Variants in EIF4E3 observed in about 807,000 individuals in gnomAD.
The protein encoded by EIF4E3 is eukaryotic translation initiation factor 4E family member 3, also known as eukaryotic translation initiation factor 4E type 3.
A neutral mutation model predicts 31.7 loss-of-function variants in EIF4E3; 26 were observed. The observed-to-expected ratio is 0.82, with a 90% CI of 0.60 to 1.14. EIF4E3 has a LOEUF of 1.14. Among genes scored for constraint, EIF4E3 ranks in the 50% most tolerant of loss-of-function variants. The pLI, the probability that EIF4E3 is intolerant of heterozygous loss-of-function variation, is 0.00. For missense variants in EIF4E3, 304 were observed against 270.9 expected (o/e 1.12, Z -0.86); for synonymous variants, 128 against 107.7 (o/e 1.19, Z -1.17).
the EIF4E3 span, among the ~76,000 whole-genome samples, chr3:71,665,923 C>A: frequency 1.3e-5 from 2 of 152,154 alleles, no homozygotes; most frequent in Non-Finnish European, 2.9e-5. Context: ...CACAATGTAC[C>A]AGAATCTCTG....
At chr3:71,702,282 G>A (rs558073323) in intron 2 of EIF4E3, among the ~76,000 whole-genome samples, 2 of 152,246 alleles carry the variant, frequency 1.3e-5, no homozygotes, top group African/African-American at 4.8e-5. Context: ...GACCTCTGTA[G>A]AATTTATGCA....
chr3:71,728,700 C>T (rs1285344553), upstream of EIF4E3: 1 of 152,696 alleles, frequency 6.5e-6, no homozygotes, highest in South Asian at 2.1e-4. Flanking sequence ...CTACTCCCCT[C>T]CCCTCCAGCA....
At chr3:71,670,180 A>AC in the EIF4E3 span, among the ~76,000 whole-genome samples, 2 of 152,078 alleles carry the variant, frequency 1.3e-5, no homozygotes, top group East Asian at 3.9e-4. Context: ...CTCAAACCTC[A>AC]CCTCCTGGTA....
At chr3:71,721,742 G>A (rs1200114714) in intron 1 of EIF4E3, among the ~76,000 whole-genome samples, 4 of 152,184 alleles carry the variant, frequency 2.6e-5, no homozygotes, top group South Asian at 2.1e-4. Flanking sequence ...CCACAGCAAC[G>A]TGGAACTGTG....
chr3:71,704,727 T>C (rs1322679076), intron 2 of EIF4E3, among the ~76,000 whole-genome samples: 4 of 152,154 alleles, frequency 2.6e-5, no homozygotes, highest in South Asian at 2.1e-4. Flanking sequence ...TGCCTGTTCA[T>C]ATGGAGAAGG....
At chr3:71,717,735 G>A (rs2049486717) in intron 1 of EIF4E3, among the ~76,000 whole-genome samples, 1 of 152,142 alleles carries the variant, frequency 6.6e-6, no homozygotes, top group African/African-American at 2.4e-5. Context: ...TCCTGTTTCT[G>A]TTCTATATTG....
chr3:71,689,095 T>C (rs2049029767), intron 6 of EIF4E3, among the ~76,000 whole-genome samples: 2 of 152,240 alleles, frequency 1.3e-5, no homozygotes, highest in South Asian at 4.1e-4. Flanking sequence ...ACCACACATA[T>C]ATTTGAAGAC....
At chr3:71,746,323 T>TA (rs1297276137) in intron 1 of EIF4E3, among the ~76,000 whole-genome samples, 1 of 152,230 alleles carries the variant, frequency 6.6e-6, no homozygotes, top group African/African-American at 2.4e-5. Context: ...TTTTTGGATC[T>TA]AAAAAATGAT....
In EIF4E3 at chr3:71,684,334, C is replaced by G. The variant is rs2108005488; in HGVS notation, c.*348G>C. 4.7e-6 allele frequency: 1 copy of G among 214,424 alleles called. No homozygotes were observed. The highest frequency in any genetic ancestry group is 1.1e-4 in the East Asian group (1 of 9,332). 13.3% of individuals were successfully genotyped at this position (214,424 alleles called of 1,614,324 possible). A position where few individuals can be genotyped will look rare whatever the true frequency, so the allele number is the denominator to read the frequency against. ...CTTAAAGGGAAACCCATTTCTTGTG[C>G]CTCAATGAAAGGGGAGTGTAGAAAA... is the stretch of plus-strand genomic sequence containing the variant. On this transcript the variant is annotated 3_prime_UTR_variant, in exon 7 of 7. Coordinates refer to ENST00000425534, the MANE Select transcript of EIF4E3 (RefSeq NM_001134651.2).
chr3:71,686,899 T>C (rs1231979026), intron 6 of EIF4E3, among the ~76,000 whole-genome samples: 2 of 152,200 alleles, frequency 1.3e-5, no homozygotes, highest in Admixed American at 1.3e-4. Context: ...AAAGGGATTA[T>C]AGAATTGCTC....
At chr3:71,685,043 C>T (rs1037004582) in intron 6 of EIF4E3, among the ~76,000 whole-genome samples, 4 of 152,078 alleles carry the variant, frequency 2.6e-5, no homozygotes, top group African/African-American at 9.7e-5. Context: ...AAGCAAATGC[C>T]GCAGGGGAAA....
Position 71,683,350 on chromosome 3 carries a change from T to C in EIF4E3, c.*1332A>G, listed in dbSNP as rs970990814. On this transcript the variant is annotated 3_prime_UTR_variant, in exon 7 of 7. Transcript: ENST00000425534. ...GAGTGCACTGCCCTTTTGAAAAATGTGTGAGCAGGCACTAGCTCCCGTGAC... is the reference window on the plus strand; with the variant it reads ...GAGTGCACTGCCCTTTTGAAAAATGCGTGAGCAGGCACTAGCTCCCGTGAC... The C allele has an allele frequency of 3.9e-5, 6 of 152,302 alleles. No individual in the cohort carries two copies. The highest frequency in any genetic ancestry group is 1.4e-4 in the African/African-American group (6 of 41,564). The allele number at this position is 152,302 out of a possible 1,614,324, so 9.4% of individuals were successfully genotyped here.
At chr3:71,727,715 T>C (rs997590185), upstream of EIF4E3, among the ~76,000 whole-genome samples, 3 of 152,242 alleles carry the variant, frequency 2.0e-5, no homozygotes, top group Non-Finnish European at 2.9e-5. Context: ...TGAAAATTTA[T>C]ATTTACGAAG....
At position 71,725,240 on chromosome 3, in the gene EIF4E3, T is replaced by C. The variant is rs2108123647; in HGVS notation, c.128A>G (p.Glu43Gly). The C allele has an allele frequency of 8.9e-7, 1 of 1,121,494 alleles. No homozygotes were observed. The highest frequency in any genetic ancestry group is 1.1e-6 in the Non-Finnish European group (1 of 912,702). 69.5% of individuals were successfully genotyped at this position (1,121,494 alleles called of 1,614,324 possible). A position where few individuals can be genotyped will look rare whatever the true frequency, so the allele number is the denominator to read the frequency against. ...CGAGTGCAGCGGGACCCCGCCCGGC[T>C]CAGGCTGCAGCGCCGACAGCTGCTG... ...GLQQLSALQPEPGGVPLHSSW... is the reference protein window; with the variant it reads ...GLQQLSALQPGPGGVPLHSSW... The change falls in exon 1 of 7, where the codon GAG becomes GGG. Residue 43 changes from glutamate (E) to glycine (G), a missense_variant. Transcript: ENST00000425534. The surrounding 1 kb of genome is among the most constrained non-coding windows in gnomAD (Gnocchi z 6.1).
chr3:71,673,005 T>C (rs960394047), downstream of EIF4E3, among the ~76,000 whole-genome samples: 6 of 152,188 alleles, frequency 3.9e-5, no homozygotes, highest in Non-Finnish European at 8.8e-5. Flanking sequence ...CCACGAGGGC[T>C]GAACCCGGTG....
At chr3:71,694,749 T>G (rs549888153) in intron 4 of EIF4E3, among the ~76,000 whole-genome samples, 1 of 152,286 alleles carries the variant, frequency 6.6e-6, no homozygotes, top group South Asian at 2.1e-4. Flanking sequence ...ACCAGATGGG[T>G]TAACAACCTC....
Position 71,725,109 on chromosome 3 carries a change from G to A in EIF4E3, c.176+83C>T. On this transcript the variant is annotated intron_variant, in intron 1 of 6. Transcript: ENST00000425534. The surrounding 1 kb of genome is among the most constrained non-coding windows in gnomAD (Gnocchi z 6.1). Reference sequence around the variant, plus strand: ...TGTGCCACAGCGGAGCGGGGCCGGGGCGAGGGGCCGCGCCGAGACAAAGCG... The same window carrying A: ...TGTGCCACAGCGGAGCGGGGCCGGGACGAGGGGCCGCGCCGAGACAAAGCG... 8 of 961,298 alleles carry A rather than the reference G, an allele frequency of 8.3e-6. No homozygotes were observed. The highest frequency in any genetic ancestry group is 1.0e-5 in the Non-Finnish European group (8 of 803,046). 59.5% of individuals were successfully genotyped at this position (961,298 alleles called of 1,614,324 possible).
intron 1 of EIF4E3, among the ~76,000 whole-genome samples, chr3:71,751,439 G>A (rs1256706163): frequency 6.6e-6 from 1 of 152,178 alleles, no homozygotes; most frequent in Non-Finnish European, 1.5e-5. Flanking sequence ...CATACGGCAA[G>A]TGCTCAGTAA....
At chr3:71,696,878 G>A (rs775417724) in intron 3 of EIF4E3, among the ~76,000 whole-genome samples, 1 of 151,806 alleles carries the variant, frequency 6.6e-6, no homozygotes, top group South Asian at 2.1e-4. Flanking sequence ...ACCAAGTCCA[G>A]CTAAATTTTT....
Sources: gnomAD v4.1 joint callset for allele counts (sites outside exome capture counted in the v4.1 genomes callset) on GRCh38, gnomAD v4.1.1 for gene constraint, Gnocchi (gnomAD v3.1) non-coding constraint, MANE v1.5 for transcripts, NCBI Gene and HGNC (gene_info 2026-07-23, HGNC 2026-07-21) for gene names.